The following FUT8 variants were observed in gnomAD, a reference collection of about 807,000 sequenced individuals.
FUT8 encodes the protein fucosyltransferase 8.
FUT8 carries 29 observed loss-of-function variants against 71.3 expected under a neutral mutation model. That is an observed-to-expected ratio of 0.41 (90% CI 0.30 to 0.55). The LOEUF (loss-of-function observed/expected upper bound fraction) is 0.55, where lower values mean the gene tolerates loss of function less well. FUT8 is among the 20% of genes least tolerant of loss of function. The pLI is 0.34. For missense variants in FUT8, 544 were observed against 702.1 expected (o/e 0.77, Z 2.55); for synonymous variants, 254 against 239.3 (o/e 1.06, Z -0.57).
the FUT8 span, among the ~76,000 whole-genome samples, chr14:65,402,408 C>A: frequency 6.6e-6 from 1 of 151,888 alleles, no homozygotes; most frequent in Non-Finnish European, 1.5e-5. Context: ...GTGGCTCACA[C>A]CTGTAATCCC....
intron 7 of FUT8, among the ~76,000 whole-genome samples, chr14:65,707,063 T>C (rs1159679198): frequency 6.6e-6 from 1 of 152,108 alleles, no homozygotes; most frequent in Non-Finnish European, 1.5e-5. Flanking sequence ...AAACTGGCCA[T>C]ACTTAAATTA....
At chr14:65,711,331 T>A (rs1894803671) in intron 7 of FUT8, among the ~76,000 whole-genome samples, 1 of 152,206 alleles carries the variant, frequency 6.6e-6, no homozygotes, top group Admixed American at 6.5e-5. Context: ...GATAACACTT[T>A]CATATAAGTA....
intron 3 of FUT8, among the ~76,000 whole-genome samples, chr14:65,582,676 G>C: frequency 6.6e-6 from 1 of 152,176 alleles, no homozygotes; most frequent in Non-Finnish European, 1.5e-5. Context: ...TCCACAGTTT[G>C]ATAACTTTTA....
At position 65,474,025 on chromosome 14, in the gene FUT8, C is replaced by G. The variant is rs992394696; in HGVS notation, c.-228+18307C>G. Among the ~76,000 whole-genome samples the G allele has an allele frequency of 2.6e-5, 4 of 152,144 alleles. No homozygotes were observed. In the South Asian group the frequency reaches 8.3e-4, roughly 32 times the overall value. On this transcript the variant is annotated intron_variant, in intron 2 of 10. Coordinates refer to ENST00000673929, the MANE Select transcript of FUT8 (RefSeq NM_001371533.1). Reference sequence around the variant, plus strand: ...TTGGGTGGAGCTGTAGGCCATTATTCTAAGTGAAGTAACTCAGGAATACAA... The same window carrying G: ...TTGGGTGGAGCTGTAGGCCATTATTGTAAGTGAAGTAACTCAGGAATACAA...
intron 3 of FUT8, among the ~76,000 whole-genome samples, chr14:65,613,785 A>G (rs1594818672): frequency 1.3e-5 from 2 of 152,268 alleles, no homozygotes; most frequent in African/African-American, 2.4e-5. Flanking sequence ...TAGAGAAGCT[A>G]TAAAAAACCT....
Position 65,576,696 on chromosome 14 carries a change from C to CTTTTTTTTTTTTT in FUT8, c.203+14959_203+14971dup, listed in dbSNP as rs376473739. Among the ~76,000 whole-genome samples the CTTTTTTTTTTTTT allele has an allele frequency of 1.9e-4, 18 of 96,212 alleles. 1 individual carries two copies. Among genetic ancestry groups the CTTTTTTTTTTTTT allele is most frequent in the African/African-American group, 6.9e-4 (11 of 15,906 alleles). The allele number at this position is 96,212 out of a possible 152,430, so 63.1% of individuals were successfully genotyped here. On this transcript the variant is annotated intron_variant, in intron 3 of 10. Coordinates refer to ENST00000673929, the MANE Select transcript of FUT8 (RefSeq NM_001371533.1). ...GGTGTGTGCCATGATGCCCAGCTTG[C>CTTTTTTTTTTTTT]TTTTTTTTTTTTTTTTTTTTTTTTT... is the stretch of plus-strand genomic sequence containing the variant.
chr14:65,729,525 A>C (rs1895857973), intron 9 of FUT8, among the ~76,000 whole-genome samples: 1 of 121,620 alleles, frequency 8.2e-6, no homozygotes, highest in Non-Finnish European at 2.0e-5. Context: ...AAGGATATAA[A>C]CTTTTTTTTT....
At chr14:65,680,567 T>C (rs1257725905) in intron 7 of FUT8, among the ~76,000 whole-genome samples, 1 of 152,240 alleles carries the variant, frequency 6.6e-6, no homozygotes, top group Admixed American at 6.5e-5. Flanking sequence ...CCTTACACTT[T>C]AAATTTTTAT....
At chr14:65,668,629 C>T (rs1360194112) in intron 6 of FUT8, among the ~76,000 whole-genome samples, 3 of 152,096 alleles carry the variant, frequency 2.0e-5, no homozygotes, top group South Asian at 4.1e-4. Flanking sequence ...TTGGCAGTTT[C>T]TCAAAGAACT....
chr14:65,527,878 G>A (rs1322814931), intron 2 of FUT8, among the ~76,000 whole-genome samples: 1 of 152,232 alleles, frequency 6.6e-6, no homozygotes, highest in African/African-American at 2.4e-5. Flanking sequence ...TTGCTGAACA[G>A]CAGATGTTGC....
intron 2 of FUT8, among the ~76,000 whole-genome samples, chr14:65,507,211 G>C (rs961177384): frequency 5.9e-5 from 9 of 152,154 alleles, no homozygotes; most frequent in African/African-American, 2.2e-4. Flanking sequence ...TTTATTACTA[G>C]TTTAATTTGT....
intron 6 of FUT8, among the ~76,000 whole-genome samples, chr14:65,633,308 C>T (rs908160533): frequency 3.9e-5 from 6 of 152,296 alleles, no homozygotes; most frequent in African/African-American, 7.2e-5. Flanking sequence ...GACGGAGTCT[C>T]GTTCACTCAG....
chr14:65,615,508 A>G (rs1444370273), intron 3 of FUT8, among the ~76,000 whole-genome samples: 1 of 152,200 alleles, frequency 6.6e-6, no homozygotes, highest in East Asian at 1.9e-4. Flanking sequence ...AGACAGATTT[A>G]CATAGTCTGA....
intron 2 of FUT8, among the ~76,000 whole-genome samples, chr14:65,475,715 T>C (rs917817609): frequency 6.6e-6 from 1 of 151,830 alleles, no homozygotes; most frequent in Non-Finnish European, 1.5e-5. Context: ...CTCTACCATA[T>C]AGAGCTCAGG....
chr14:65,737,785 A>G lies in FUT8; in HGVS notation c.1411-4308A>G, dbSNP rs931647945. On this transcript the variant is annotated intron_variant, in intron 10 of 10. Coordinates refer to ENST00000673929, the MANE Select transcript of FUT8 (RefSeq NM_001371533.1). ...AATACAAAATCCTTTTTTTCCCCCT[A>G]TGACACCTCCCTTTATGGCAGTTAT... Among the ~76,000 whole-genome samples, 4 of 151,938 alleles carry G rather than the reference A, an allele frequency of 2.6e-5. No homozygotes were observed. The South Asian group carries it at 8.3e-4, about 32-fold the overall frequency.
chr14:65,657,977 GAAA>G (rs1891769687), intron 6 of FUT8, among the ~76,000 whole-genome samples: 1 of 151,932 alleles, frequency 6.6e-6, no homozygotes, highest in Non-Finnish European at 1.5e-5. Context: ...AACAATGCTA[GAAA>G]AATAGAAACT....
chr14:65,383,271 T>TTTCTTTTC, the FUT8 span, among the ~76,000 whole-genome samples: 2 of 93,710 alleles, frequency 2.1e-5, no homozygotes, highest in African/African-American at 9.9e-5. Context: ...TTTTCTTTTT[T>TTTCTTTTC]TTTTTTTTTT....
chr14:65,651,663 G>GA (rs1468407158), intron 6 of FUT8, among the ~76,000 whole-genome samples: 7 of 152,006 alleles, frequency 4.6e-5, no homozygotes, highest in African/African-American at 1.7e-4. Context: ...TGAAACAAAT[G>GA]AAAAAATAGA....
chr14:65,370,443 C>T, the FUT8 span, among the ~76,000 whole-genome samples: 333 of 151,638 alleles, frequency 2.2e-3, 1 homozygote, highest in African/African-American at 7.7e-3. Context: ...CTCCTGACCT[C>T]GTGATCTGCC....
Sources: gnomAD v4.1 joint callset for allele counts (sites outside exome capture counted in the v4.1 genomes callset) on GRCh38, gnomAD v4.1.1 for gene constraint, MANE v1.5 for transcripts, NCBI Gene and HGNC (gene_info 2026-07-23, HGNC 2026-07-21) for gene names.